The following SERPINC1 variants were observed in gnomAD, a reference collection of about 807,000 sequenced individuals.
SERPINC1 encodes the protein serpin family C member 1, also known as antithrombin-III.
In SERPINC1, 12 loss-of-function variants were observed where a neutral mutation model predicts 43.4. The ratio of observed to expected loss-of-function variants is 0.28; its 90% CI spans 0.18 to 0.45. The LOEUF (loss-of-function observed/expected upper bound fraction) is 0.45. SERPINC1 is among the 20% of genes least tolerant of loss of function. The probability of loss-of-function intolerance (pLI) is 1.00; values close to 1 mark genes in which losing one functional copy is unlikely to be tolerated. For missense variants in SERPINC1, 423 were observed against 578.8 expected (o/e 0.73, Z 2.76); for synonymous variants, 210 against 218.9 (o/e 0.96, Z 0.36).
Position 173,909,714 on chromosome 1 carries a change from G to A in SERPINC1, c.991C>T (p.Leu331Phe). ...CACTCTTGCAGCACCTCTGGGGTGA[G>A]TTCCTTCTCTACCTTGGCCAGGCTC... The part of the protein sequence containing the change: ...EKSLAKVEKE[L>F]TPEVLQEWLD... The change falls in exon 5 of 7, where the codon CTC (leucine) becomes TTC (phenylalanine). Residue 331 changes from leucine to phenylalanine, a missense_variant. Transcript: ENST00000367698. 6.2e-7 allele frequency: 1 copy of A among 1,614,154 alleles called. No individual in the cohort carries two copies. The highest frequency in any genetic ancestry group is 1.1e-5 in the South Asian group (1 of 91,088).
At chr1:173,912,931 T>C (rs1483495745) in intron 2 of SERPINC1, among the ~76,000 whole-genome samples, 1 of 152,186 alleles carries the variant, frequency 6.6e-6, no homozygotes, top group Non-Finnish European at 1.5e-5. Flanking sequence ...CCAGTACCAA[T>C]GTATACAAAA....
intron 4 of SERPINC1, among the ~76,000 whole-genome samples, chr1:173,910,437 C>T (rs1182912968): frequency 6.6e-6 from 1 of 152,046 alleles, no homozygotes; most frequent in Non-Finnish European, 1.5e-5. Flanking sequence ...AAAAATTAGC[C>T]AGGCATGGTG....
At chr1:173,916,429 G>T (rs1168552587) in intron 1 of SERPINC1, among the ~76,000 whole-genome samples, 1 of 152,214 alleles carries the variant, frequency 6.6e-6, no homozygotes, top group Non-Finnish European at 1.5e-5. Context: ...TCTGAGTCCA[G>T]TTCTGCAGCC....
At chr1:173,913,522 C>T (rs973612738) in intron 2 of SERPINC1, among the ~76,000 whole-genome samples, 8 of 152,150 alleles carry the variant, frequency 5.3e-5, no homozygotes, top group African/African-American at 1.9e-4. Context: ...TGCTTGTAAT[C>T]CCAGCACTTT....
intron 5 of SERPINC1, 135 bp from the exon 6 acceptor site, chr1:173,907,649 A>C: frequency 1.3e-6 from 1 of 759,758 alleles, no homozygotes. Context: ...TCTTCACCTA[A>C]TCATACTCTC....
Position 173,914,642 on chromosome 1 carries a change from T to C in SERPINC1, c.319A>G (p.Asn107Asp), listed in dbSNP as rs1458529321. The C allele has an allele frequency of 6.2e-7, 1 of 1,614,224 alleles. No homozygotes were observed. ...ATACTCAGGGGTGACAGGAAAATGT[T>C]ATCATTGTCATTCTTGGAATCTGCC... Reference protein sequence around the residue: ...HLADSKNDNDNIFLSPLSIST... With the variant: ...HLADSKNDNDDIFLSPLSIST... Residue 107 changes from asparagine (N) to aspartate (D), a missense_variant, in exon 2 of 7, where the codon AAC becomes GAC. Asn to Asp is a conservative substitution (Grantham distance 23). Coordinates refer to ENST00000367698, the MANE Select transcript of SERPINC1 (RefSeq NM_000488.4).
intron 2 of SERPINC1, among the ~76,000 whole-genome samples, chr1:173,912,885 G>A (rs1657828611): frequency 6.6e-6 from 1 of 152,092 alleles, no homozygotes; most frequent in Non-Finnish European, 1.5e-5. Context: ...TCTTACCTGG[G>A]GACAGAGACA....
chr1:173,916,382 G>T (rs937478225), intron 1 of SERPINC1, among the ~76,000 whole-genome samples: 2 of 152,234 alleles, frequency 1.3e-5, no homozygotes, highest in Admixed American at 1.3e-4. Context: ...CTGGCTGGAA[G>T]CTGGGGCAGC....
Position 173,911,898 on chromosome 1 carries a change from G to A in SERPINC1, c.525C>T (p.Ala175=), listed in dbSNP as rs1553218235. 3 of 1,614,222 alleles carry A rather than the reference G, an allele frequency of 1.9e-6. No individual in the cohort carries two copies. Among genetic ancestry groups the A allele is most frequent in the Non-Finnish European group, 2.5e-6 (3 of 1,180,040 alleles). Residue 175 remains alanine, a synonymous_variant, in exon 3 of 7, where the codon GCC becomes GCT. Coordinates refer to ENST00000367698, the MANE Select transcript of SERPINC1 (RefSeq NM_000488.4). ...KANKSSKLVS[A]NRLFGDKSLT... is the part of the protein sequence containing the mutation. ...GGGATTTGTCTCCAAAAAGGCGATT[G>A]GCTGATACTAACTTGGAGGATTTGT...
rs199895690 is a variant in SERPINC1 at position 173,914,659 on chromosome 1, G to A, written c.302C>T (p.Ser101Phe). 15 of 1,614,122 alleles carry A rather than the reference G, an allele frequency of 9.3e-6. No individual in the cohort carries two copies. Among genetic ancestry groups the A allele is most frequent in the Admixed American group, 1.7e-5 (1 of 60,008 alleles). The change falls in exon 2 of 7, where the codon TCC becomes TTC. Residue 101 changes from serine (S) to phenylalanine (F), a missense_variant. Ser to Phe is a radical substitution (Grantham distance 155). Coordinates refer to ENST00000367698, the MANE Select transcript of SERPINC1 (RefSeq NM_000488.4). ...GAAAATGTTATCATTGTCATTCTTGGAATCTGCCAGGTGCTGATAGAAAGT... is the reference window on the plus strand; with the variant it reads ...GAAAATGTTATCATTGTCATTCTTGAAATCTGCCAGGTGCTGATAGAAAGT... ...ATTFYQHLAD[S>F]KNDNDNIFLS... is the part of the protein sequence containing the mutation.
Position 173,914,633 on chromosome 1 carries a change from G to T in SERPINC1, c.328C>A (p.Leu110Met), listed in dbSNP as rs1412230387. 1 of 1,614,226 alleles carries T rather than the reference G, an allele frequency of 6.2e-7. No homozygotes were observed. The highest frequency in any genetic ancestry group is 1.1e-5 in the South Asian group (1 of 91,076). Residue 110 changes from leucine (L) to methionine (M), a missense_variant, in exon 2 of 7, where the codon CTG becomes ATG. Coordinates refer to ENST00000367698, the MANE Select transcript of SERPINC1 (RefSeq NM_000488.4). The stretch of plus-strand genomic sequence containing the variant: ...GCCGTGGAGATACTCAGGGGTGACA[G>T]GAAAATGTTATCATTGTCATTCTTG... ...DSKNDNDNIF[L>M]SPLSISTAFA...
At chr1:173,915,966 AACCCCAGAGTCAATCAGTTC>A (rs570016447) in intron 1 of SERPINC1, among the ~76,000 whole-genome samples, 8 of 152,082 alleles carry the variant, frequency 5.3e-5, no homozygotes, top group African/African-American at 1.9e-4. Context: ...CATTTAGTCA[AACCCCAGAGTCAATCAGTTC>A]ACCCCAGAGT....
chr1:173,917,247 C>T lies in SERPINC1; in HGVS notation c.13G>A (p.Val5Met), dbSNP rs750709130. The change falls in exon 1 of 7, where the codon GTG becomes ATG. Residue 5 changes from valine to methionine, a missense_variant. Transcript: ENST00000367698. MYSN[V>M]IGTVTSGKRK... ...TTTCCAGAGGTTACAGTTCCTATCA[C>T]ATTGGAATACATGGCCGCTAATCTT... The T allele has an allele frequency of 1.4e-5, 22 of 1,613,926 alleles. No individual in the cohort carries two copies. Among genetic ancestry groups the T allele is most frequent in the African/African-American group, 1.1e-4 (8 of 74,918 alleles).
chr1:173,915,059 A>G, intron 1 of SERPINC1, 140 bp from the exon 2 acceptor site: 2 of 1,523,534 alleles, frequency 1.3e-6, no homozygotes, highest in Non-Finnish European at 1.8e-6. Context: ...TGAACCAAGT[A>G]CAGGGGCCCG....
At chr1:173,917,190 C>T (rs759854656) in intron 1 of SERPINC1, 29 bp downstream of exon 1, 2 of 1,607,472 alleles carry the variant, frequency 1.2e-6, no homozygotes, top group Non-Finnish European at 1.7e-6. Context: ...CCAGTAGGGG[C>T]AGGCAAGGGG....
chr1:173,908,609 G>A (rs1473607587), intron 5 of SERPINC1, among the ~76,000 whole-genome samples: 1 of 151,828 alleles, frequency 6.6e-6, no homozygotes, highest in Non-Finnish European at 1.5e-5. Flanking sequence ...TGCTCAGGCT[G>A]GAGTGCAGTG....
rs1658031380 is a variant in SERPINC1 at position 173,917,237 on chromosome 1, G to A, written c.23C>T (p.Thr8Ile). The change falls in exon 1 of 7, where the codon ACT becomes ATT. Residue 8 changes from threonine to isoleucine, a missense_variant. Thr to Ile is a moderately conservative substitution (Grantham distance 89). Transcript: ENST00000367698. MYSNVIG[T>I]VTSGKRKVYL... is the part of the protein sequence containing the mutation. Reference sequence around the variant, plus strand: ...CTCTTACCTTTTTCCAGAGGTTACAGTTCCTATCACATTGGAATACATGGC... The same window carrying A: ...CTCTTACCTTTTTCCAGAGGTTACAATTCCTATCACATTGGAATACATGGC... 6.2e-7 allele frequency: 1 copy of A among 1,613,968 alleles called. No homozygotes were observed.
At chr1:173,907,304 A>G (rs981107342) in intron 6 of SERPINC1, 146 bp downstream of exon 6, 1 of 724,642 alleles carries the variant, frequency 1.4e-6, no homozygotes, top group African/African-American at 1.7e-5. Context: ...CAATCACACC[A>G]TGAAGGTTTT....
chr1:173,905,802 C>T (rs1375126021), intron 6 of SERPINC1, among the ~76,000 whole-genome samples: 2 of 152,258 alleles, frequency 1.3e-5, no homozygotes, highest in South Asian at 4.1e-4. Flanking sequence ...TGAGCATTGC[C>T]TTCATTCCAC....
Sources: allele counts gnomAD v4.1 joint callset (sites outside exome capture counted in the v4.1 genomes callset), GRCh38; gene constraint gnomAD v4.1.1; transcripts MANE v1.5; gene names NCBI Gene and HGNC (gene_info 2026-07-23, HGNC 2026-07-21).